Variants in THBS4 observed in about 807,000 individuals in gnomAD.
THBS4 encodes thrombospondin-4.
In THBS4, 90 loss-of-function variants were observed where a neutral mutation model predicts 115.7. That is an observed-to-expected ratio of 0.78 (90% CI 0.66 to 0.93). The LOEUF is 0.93. Ranked by LOEUF, THBS4 falls within the 40% of genes least tolerant of loss-of-function variation. The pLI, the probability that THBS4 is intolerant of heterozygous loss-of-function variation, is 0.00. For synonymous variants in THBS4, 460 were observed against 479.3 expected (o/e 0.96, Z 0.53); for missense variants, 1,087 against 1,232.7 (o/e 0.88, Z 1.77).
chr5:80,024,726 T>A (rs1013960376), intron 2 of THBS4, among the ~76,000 whole-genome samples: 3 of 152,160 alleles, frequency 2.0e-5, no homozygotes, highest in African/African-American at 7.2e-5. Flanking sequence ...AAGCAAATAC[T>A]AAAAAACTGA....
chr5:80,058,766 G>A lies in THBS4; in HGVS notation c.708G>A (p.Glu236=), dbSNP rs201245537. 1.1e-5 allele frequency: 17 copies of A among 1,614,012 alleles called. No homozygotes were observed. The Admixed American group carries it at 2.8e-4, about 27-fold the overall frequency. ...CACAATTAAACCAACTCCTGGGAGA[G>A]GTGAAGGACCTTCTGAGACAGCAGG... The part of the protein sequence containing the change: ...QMTQLNQLLG[E]VKDLLRQQVK... Residue 236 remains glutamate (E), a synonymous_variant, in exon 5 of 22, where the codon GAG becomes GAA. Transcript: ENST00000350881.
In THBS4 at chr5:80,076,938, T is replaced by C. The variant is rs1743246978; in HGVS notation, c.1976T>C (p.Ile659Thr). Residue 659 changes from isoleucine to threonine, a missense_variant, in exon 16 of 22, where the codon ATT becomes ACT. Around this residue, in one of 3 missense-constraint regions of THBS4, gnomAD observed 979 missense variants for 1,103.7 expected, o/e 0.89. Transcript: ENST00000350881. Reference sequence around the variant, plus strand: ...CAGCTGGACACCGATAAGGATGGAATTGGTGACGAGTGTGATGATGATGAT... The same window carrying C: ...CAGCTGGACACCGATAAGGATGGAACTGGTGACGAGTGTGATGATGATGAT... ...SAQLDTDKDG[I>T]GDECDDDDDN... 5 of 1,613,876 alleles carry C rather than the reference T, an allele frequency of 3.1e-6. No individual in the cohort carries two copies. The East Asian group carries it at 1.1e-4, about 36-fold the overall frequency.
intron 2 of THBS4, among the ~76,000 whole-genome samples, chr5:80,029,719 G>A (rs1832547249): frequency 6.6e-6 from 1 of 151,938 alleles, no homozygotes; most frequent in African/African-American, 2.4e-5. Flanking sequence ...CAGCACTTTG[G>A]GAGGCCGAGG....
At chr5:80,082,934 T>C in intron 21 of THBS4, 146 bp from the exon 22 acceptor site, 1 of 751,632 alleles carries the variant, frequency 1.3e-6, no homozygotes, top group Non-Finnish European at 2.3e-6. Context: ...CAAAGCAGCC[T>C]GCAGGAGAAA....
chr5:80,044,548 G>A lies in THBS4; in HGVS notation c.292+4268G>A, dbSNP rs1280913365. On this transcript the variant is annotated intron_variant, in intron 2 of 21. Coordinates refer to ENST00000350881, the MANE Select transcript of THBS4 (RefSeq NM_003248.6). Reference sequence around the variant, plus strand: ...ACTGACTCTCCTGCCTCAGCCTCCCGAGTAGCTGGAACTACATGTGCGCAC... The same window carrying A: ...ACTGACTCTCCTGCCTCAGCCTCCCAAGTAGCTGGAACTACATGTGCGCAC... Among the ~76,000 whole-genome samples the A allele has an allele frequency of 4.5e-4, 68 of 151,908 alleles. 1 individual carries two copies. The highest frequency in any genetic ancestry group is 4.4e-5 in the Non-Finnish European group (3 of 67,976).
chr5:79,996,219 G>T (rs372872441), intron 1 of THBS4, among the ~76,000 whole-genome samples: 13 of 152,236 alleles, frequency 8.5e-5, no homozygotes, highest in East Asian at 5.8e-4. Flanking sequence ...GCTGACAGTC[G>T]TAAAGGTCAA....
At chr5:80,023,393 A>G (rs1832416673) in intron 2 of THBS4, among the ~76,000 whole-genome samples, 1 of 152,156 alleles carries the variant, frequency 6.6e-6, no homozygotes, top group Admixed American at 6.5e-5. Flanking sequence ...CACTCATTCT[A>G]CTTGTAGTCA....
chr5:80,072,897 T>C (rs940762638), intron 14 of THBS4, among the ~76,000 whole-genome samples: 1 of 152,228 alleles, frequency 6.6e-6, no homozygotes, highest in Admixed American at 6.5e-5. Context: ...GACTCACTCA[T>C]GATTTTGGCC....
chr5:80,008,522 G>A (rs1454606221), intron 2 of THBS4, among the ~76,000 whole-genome samples: 1 of 151,996 alleles, frequency 6.6e-6, no homozygotes, highest in Non-Finnish European at 1.5e-5. Context: ...GTTAAGTATG[G>A]CAACTATAAT....
At chr5:80,080,348 T>A (rs1743425439) in intron 20 of THBS4, 2 of 398,058 alleles carry the variant, frequency 5.0e-6, no homozygotes, top group Admixed American at 3.5e-5. Context: ...TTGGTGCATT[T>A]GGATGGCTGT....
intron 15 of THBS4, 118 bp from the exon 16 acceptor site, chr5:80,076,731 GTTTGAT>G: frequency 9.9e-7 from 1 of 1,007,792 alleles, no homozygotes; most frequent in East Asian, 2.8e-5. Flanking sequence ...ACCCCAGTGG[GTTTGAT>G]TTTAAGAGCC....
chr5:80,078,796 G>T lies in THBS4; in HGVS notation c.2266-125G>T, dbSNP rs1360929174. ...CAATAGAGCAACTATTTCAGATAAT[G>T]AAATCTTTATATGGAGGTCAGACAT... On this transcript the variant is annotated intron_variant, in intron 17 of 21. Coordinates refer to ENST00000350881, the MANE Select transcript of THBS4 (RefSeq NM_003248.6). 6.5e-6 allele frequency: 5 copies of T among 769,960 alleles called. No homozygotes were observed. The East Asian group carries it at 7.8e-5, about 12-fold the overall frequency. The allele number at this position is 769,960 out of a possible 1,614,324, so 47.7% of individuals were successfully genotyped here. A position where few individuals can be genotyped will look rare whatever the true frequency, so the allele number is the denominator to read the frequency against.
At chr5:80,077,556 G>C (rs2112163408) in intron 16 of THBS4, among the ~76,000 whole-genome samples, 1 of 152,330 alleles carries the variant, frequency 6.6e-6, no homozygotes, top group African/African-American at 2.4e-5. Context: ...CCTGGAGAGG[G>C]CATGCCCATC....
At chr5:80,003,915 G>A (rs1831961973) in intron 2 of THBS4, among the ~76,000 whole-genome samples, 1 of 152,188 alleles carries the variant, frequency 6.6e-6, no homozygotes, top group African/African-American at 2.4e-5. Context: ...CTACAAGTCT[G>A]TTTCTTTAAA....
chr5:80,069,357 G>GA (rs1833949713), intron 10 of THBS4, among the ~76,000 whole-genome samples: 1 of 152,226 alleles, frequency 6.6e-6, no homozygotes, highest in Non-Finnish European at 1.5e-5. Flanking sequence ...TCAGATGGAA[G>GA]AATGTGGTGT....
chr5:80,038,184 A>T (rs1832777302), intron 1 of THBS4, among the ~76,000 whole-genome samples: 1 of 152,212 alleles, frequency 6.6e-6, no homozygotes, highest in Non-Finnish European at 1.5e-5. Flanking sequence ...AAAAGAAAAG[A>T]GGAAATTTAA....
intron 21 of THBS4, 78 bp from the exon 22 acceptor site, chr5:80,083,002 G>T: frequency 7.4e-7 from 1 of 1,345,784 alleles, no homozygotes. Flanking sequence ...CCTACAGGAC[G>T]CCTGAGCCGC....
In THBS4 at chr5:80,010,075, A is replaced by G. The variant is rs918396517; in HGVS notation, n.177+11648A>G. 2.6e-5 allele frequency among the ~76,000 whole-genome samples: 4 copies of G among 152,202 alleles called. No individual in the cohort carries two copies. In the East Asian group the frequency reaches 7.7e-4, roughly 29 times the overall value. ...TTGAGCCCAGAAGTTGAAGGCTGCA[A>G]TGAACCATGATTGGACCACTGCACT... On this transcript the variant is annotated intron_variant and non_coding_transcript_variant, in intron 2 of 3. Coordinates refer to the THBS4 transcript ENST00000510218.
intron 2 of THBS4, among the ~76,000 whole-genome samples, chr5:80,025,761 C>T (rs114615948): frequency 0.016 from 2,440 of 152,296 alleles, 50 homozygotes; most frequent in African/African-American, 0.044. Flanking sequence ...AGGTCCTCCA[C>T]GCGTTCCCCT....
Sources: allele counts gnomAD v4.1 joint callset (sites outside exome capture counted in the v4.1 genomes callset), GRCh38; gene constraint gnomAD v4.1.1; regional missense constraint gnomAD v4.1.1; transcripts MANE v1.5; gene names NCBI Gene and HGNC (gene_info 2026-07-23, HGNC 2026-07-21).